COPS2: variants seen among roughly 807,000 people sequenced by gnomAD.
COPS2 encodes COP9 signalosome complex subunit 2.
COPS2 carries 10 observed loss-of-function variants against 66.1 expected under a neutral mutation model. The ratio of observed to expected loss-of-function variants is 0.15; its 90% confidence interval spans 0.09 to 0.26. The LOEUF is 0.26. COPS2 is among the 10% of genes least tolerant of loss of function. The pLI, the probability that COPS2 is intolerant of heterozygous loss-of-function variation, is 1.00. For synonymous variants in COPS2, 179 were observed against 171.3 expected (o/e 1.04, Z -0.35); for missense variants, 215 against 513.3 (o/e 0.42, Z 5.62).
chr15:49,139,687 A>G, intron 3 of COPS2, 34 bp from the exon 4 acceptor site: 1 of 1,519,616 alleles, frequency 6.6e-7, no homozygotes, highest in Non-Finnish European at 9.0e-7. Flanking sequence ...ATCAGATGCA[A>G]ATTTAGGTAC....
intron 1 of COPS2, among the ~76,000 whole-genome samples, chr15:49,149,778 A>G (rs1253429011): frequency 6.6e-6 from 1 of 152,164 alleles, no homozygotes; most frequent in Non-Finnish European, 1.5e-5. Flanking sequence ...ACCATTAACA[A>G]TGCTTTCTGA....
chr15:49,134,539 A>T (rs1264031233), intron 6 of COPS2, 25 bp from the exon 7 acceptor site: 1 of 1,553,242 alleles, frequency 6.4e-7, no homozygotes, highest in Non-Finnish European at 8.8e-7. Context: ...ATTTAACTTT[A>T]GACAAGATAG....
chr15:49,142,902 A>G (rs1011884652), intron 3 of COPS2, among the ~76,000 whole-genome samples: 7 of 151,864 alleles, frequency 4.6e-5, no homozygotes, highest in Non-Finnish European at 1.0e-4. Context: ...TCCTGCTCTC[A>G]TGGAGCTTAC....
rs1428995237 is a variant in COPS2, at chr15:49,128,707, C to T, written c.1182G>A (p.Leu394=). ...AAAAATAGTAAAGTACTTACTTATCCAATATGCACTGCACCAGCAAGCTCT... is the reference window on the plus strand; with the variant it reads ...AAAAATAGTAAAGTACTTACTTATCTAATATGCACTGCACCAGCAAGCTCT... ...DVESLLVQCI[L]DNTIHGRIDQ... Residue 394 remains leucine (L), a synonymous_variant, in exon 12 of 13, where the codon TTG becomes TTA. Coordinates refer to ENST00000388901, the MANE Select transcript of COPS2 (RefSeq NM_004236.4). 1 of 1,600,362 alleles carries T rather than the reference C, an allele frequency of 6.2e-7. No homozygotes were observed. The highest frequency in any genetic ancestry group is 8.5e-7 in the Non-Finnish European group (1 of 1,171,078).
chr15:49,128,000 T>C lies in COPS2; in HGVS notation c.1282A>G (p.Thr428Ala), dbSNP rs1219622231. 1 of 1,614,024 alleles carries C rather than the reference T, an allele frequency of 6.2e-7. No homozygotes were observed. Among genetic ancestry groups the C allele is most frequent in the South Asian group, 1.1e-5 (1 of 91,070 alleles). The change falls in exon 13 of 13, where the codon ACC becomes GCC. Residue 428 changes from threonine to alanine, a missense_variant. By Grantham distance (58) the Thr-to-Ala change is moderately conservative (BLOSUM62 0). Around this residue, in one of 5 missense-constraint regions of COPS2, gnomAD observed 42 missense variants for 55.9 expected, o/e 0.75. Transcript: ENST00000388901. ...GARYTALDKW[T>A]NQLNSLNQAV... ...TGGTTGAGAGAATTTAGTTGGTTGG[T>C]CCATTTATCTAGTGCAGTATATCGT... is the stretch of plus-strand genomic sequence containing the variant.
chr15:49,138,727 T>C lies in COPS2; in HGVS notation c.372+801A>G, dbSNP rs554066695. ...ACTGCCTGAAAAAAATGACATCTAGTAGAAAAGACATTAAATGAGGCTGAT... is the reference window on the plus strand; with the variant it reads ...ACTGCCTGAAAAAAATGACATCTAGCAGAAAAGACATTAAATGAGGCTGAT... On this transcript the variant is annotated intron_variant, in intron 4 of 12. Transcript: ENST00000388901. 8.7e-4 allele frequency among the ~76,000 whole-genome samples: 133 copies of C among 152,212 alleles called. 1 individual carries two copies. The highest frequency in any genetic ancestry group is 3.0e-3 in the African/African-American group (124 of 41,558).
At chr15:49,150,659 A>G (rs760715171) in intron 1 of COPS2, among the ~76,000 whole-genome samples, 1 of 152,226 alleles carries the variant, frequency 6.6e-6, no homozygotes, top group Non-Finnish European at 1.5e-5. Flanking sequence ...ATGCAGGAAC[A>G]GAAAACCAAA....
chr15:49,139,492 C>T (rs766513100), intron 4 of COPS2, 36 bp downstream of exon 4: 7 of 1,537,192 alleles, frequency 4.6e-6, no homozygotes, highest in African/African-American at 4.1e-5. Context: ...ATAATAAACA[C>T]ACTGATCGTC....
At chr15:49,128,224 G>T in intron 12 of COPS2, 130 bp from the exon 13 acceptor site, 1 of 773,164 alleles carries the variant, frequency 1.3e-6, no homozygotes, top group Non-Finnish European at 2.0e-6. Context: ...AATGAGTTCA[G>T]TGTTAGTTTT....
chr15:49,152,800 G>A (rs1405414420), intron 1 of COPS2, among the ~76,000 whole-genome samples: 1 of 152,050 alleles, frequency 6.6e-6, no homozygotes, highest in Admixed American at 6.5e-5. Flanking sequence ...TCCAGCCTGG[G>A]CAACAGAGTG....
intron 3 of COPS2, 133 bp from the exon 4 acceptor site, chr15:49,139,786 G>C: frequency 1.6e-6 from 1 of 635,852 alleles, no homozygotes; most frequent in East Asian, 2.9e-5. Flanking sequence ...TTTTGTAAAA[G>C]AGGAACTATG....
intron 3 of COPS2, among the ~76,000 whole-genome samples, chr15:49,142,457 C>T (rs1186639283): frequency 1.3e-5 from 2 of 152,136 alleles, no homozygotes; most frequent in Non-Finnish European, 2.9e-5. Flanking sequence ...GATACAAGTA[C>T]TAGTCAGACG....
At chr15:49,139,444 G>C in intron 4 of COPS2, 84 bp downstream of exon 4, 2 of 1,066,442 alleles carry the variant, frequency 1.9e-6, no homozygotes, top group Non-Finnish European at 2.8e-6. Context: ...AGAAGCTCTA[G>C]GCCTTTCCAT....
Position 49,134,101 on chromosome 15 carries a change from A to G in COPS2, c.723T>C (p.Gly241=), listed in dbSNP as rs772539011. The G allele has an allele frequency of 2.5e-6, 4 of 1,609,690 alleles. No individual in the cohort carries two copies. In the African/African-American group the frequency reaches 5.4e-5, roughly 22 times the overall value. The change falls in exon 8 of 13, where the codon GGT becomes GGC. Residue 241 remains glycine, a synonymous_variant. Coordinates refer to ENST00000388901, the MANE Select transcript of COPS2 (RefSeq NM_004236.4). ...CACCTTCCCTCAAGTGCATTTTACC[A>G]CCACATTCTGTGAAGAATAAGACAT... ...PLIMGVIREC[G]GKMHLREGEF...
chr15:49,139,720 G>T, intron 3 of COPS2, 67 bp from the exon 4 acceptor site: 1 of 1,216,366 alleles, frequency 8.2e-7, no homozygotes, highest in Non-Finnish European at 1.2e-6. Context: ...ACATGATTAA[G>T]GTTATAGAAT....
At chr15:49,135,855 C>G (rs937682550) in intron 6 of COPS2, among the ~76,000 whole-genome samples, 11 of 152,054 alleles carry the variant, frequency 7.2e-5, no homozygotes, top group Admixed American at 3.3e-4. Context: ...TGCTATTTAC[C>G]ATCCTGATAG....
At chr15:49,131,116 T>C (rs547480186) in intron 9 of COPS2, among the ~76,000 whole-genome samples, 6 of 152,246 alleles carry the variant, frequency 3.9e-5, no homozygotes, top group African/African-American at 1.4e-4. Context: ...CTCTTAAAAG[T>C]TGGCAATAAA....
At position 49,155,596 on chromosome 15, in the gene COPS2, G is replaced by C. The variant is rs369648099; in HGVS notation, c.-18C>G. 6.2e-7 allele frequency: 1 copy of C among 1,612,032 alleles called. No individual in the cohort carries two copies. The highest frequency in any genetic ancestry group is 8.5e-7 in the Non-Finnish European group (1 of 1,178,268). On this transcript the variant is annotated 5_prime_UTR_variant, in exon 1 of 13. Transcript: ENST00000388901. Reference sequence around the variant, plus strand: ...TCAGACATCTTGGCCGGGAGGGGGAGGAGAAATTGGAGACAACCTCCTCCC... The same window carrying C: ...TCAGACATCTTGGCCGGGAGGGGGACGAGAAATTGGAGACAACCTCCTCCC...
In COPS2 at chr15:49,127,931, TGTAAAAG is replaced by T. The variant is rs751293209; in HGVS notation, c.*12_*18del. On this transcript the variant is annotated 3_prime_UTR_variant, in exon 13 of 13. Coordinates refer to ENST00000388901, the MANE Select transcript of COPS2 (RefSeq NM_004236.4). ...TCTGCACTGTTGCCTTAAGGACGTC[TGTAAAAG>T]CTTGTTCTCTGTTAAGCCAGTTTAC... 6.2e-7 allele frequency: 1 copy of T among 1,612,562 alleles called. No individual in the cohort carries two copies. Among genetic ancestry groups the T allele is most frequent in the Non-Finnish European group, 8.5e-7 (1 of 1,179,198 alleles).
Sources: allele counts gnomAD v4.1 joint callset (sites outside exome capture counted in the v4.1 genomes callset), GRCh38; gene constraint gnomAD v4.1.1; regional missense constraint gnomAD v4.1.1; transcripts MANE v1.5; gene names NCBI Gene and HGNC (gene_info 2026-07-23, HGNC 2026-07-21).